The following SLCO3A1 variants were observed in gnomAD, a reference collection of about 807,000 sequenced individuals.
SLCO3A1 encodes PGE1 transporter.
Under a neutral mutation model 63.1 loss-of-function variants are expected in SLCO3A1, and 27 were observed. The observed-to-expected ratio is 0.43, with a 90% CI of 0.32 to 0.59. The LOEUF is 0.59. SLCO3A1 is among the 20% of genes least tolerant of loss of function. The probability of loss-of-function intolerance (pLI) is 0.09; values close to 1 mark genes in which losing one functional copy is unlikely to be tolerated. For missense variants in SLCO3A1, 773 were observed against 945.8 expected, an observed-to-expected ratio of 0.82 and a Z score of 2.40; for synonymous variants, 473 against 409.9, an observed-to-expected ratio of 1.15 and a Z score of -1.86.
chr15:92,003,696 C>T (rs773228464), intron 2 of SLCO3A1, among the ~76,000 whole-genome samples: 1 of 152,154 alleles, frequency 6.6e-6, no homozygotes, highest in Non-Finnish European at 1.5e-5. Flanking sequence ...GAAGGGCTTT[C>T]GTGAGTGATA....
At chr15:92,167,509 C>T (rs78832689), downstream of SLCO3A1, among the ~76,000 whole-genome samples, 256 of 152,302 alleles carry the variant, frequency 1.7e-3, no homozygotes, top group Non-Finnish European at 2.9e-3. Flanking sequence ...CTGCTCCGCC[C>T]GACTTATTCC....
chr15:91,867,680 C>T (rs1309914870), intron 1 of SLCO3A1, among the ~76,000 whole-genome samples: 2 of 152,176 alleles, frequency 1.3e-5, no homozygotes, highest in African/African-American at 2.4e-5. Context: ...CTTCAAACTT[C>T]CCCTCCTGTT....
chr15:92,016,254 T>TAGATAGATAGATA, intron 2 of SLCO3A1, among the ~76,000 whole-genome samples: 356 of 95,690 alleles, frequency 3.7e-3, no homozygotes, highest in Middle Eastern at 0.015. Context: ...GATAGATAGA[T>TAGATAGATAGATA]TAGATAGATA....
At chr15:92,088,289 G>A (rs2047430479) in intron 2 of SLCO3A1, among the ~76,000 whole-genome samples, 1 of 152,184 alleles carries the variant, frequency 6.6e-6, no homozygotes, top group African/African-American at 2.4e-5. Flanking sequence ...TGCCTGAGGG[G>A]CTTAGCATCT....
chr15:92,157,814 T>C (rs532134702), intron 9 of SLCO3A1, among the ~76,000 whole-genome samples: 2 of 152,292 alleles, frequency 1.3e-5, no homozygotes, highest in African/African-American at 4.8e-5. Context: ...TGTGAGGGCT[T>C]TCTCAAATGG....
intron 2 of SLCO3A1, among the ~76,000 whole-genome samples, chr15:92,063,933 C>G (rs569420219): frequency 6.6e-6 from 1 of 152,174 alleles, no homozygotes; most frequent in East Asian, 1.9e-4. Context: ...TTTGCTTTTT[C>G]CATTATCCTG....
intron 2 of SLCO3A1, among the ~76,000 whole-genome samples, chr15:92,048,715 A>C (rs933664632): frequency 6.6e-6 from 1 of 152,176 alleles, no homozygotes; most frequent in Non-Finnish European, 1.5e-5. Context: ...CCTGGCCAAC[A>C]TGGTGAAACC....
intron 1 of SLCO3A1, among the ~76,000 whole-genome samples, chr15:91,899,788 G>C (rs1898106166): frequency 6.6e-6 from 1 of 152,114 alleles, no homozygotes; most frequent in African/African-American, 2.4e-5. Context: ...CCATCTTCCA[G>C]ACAACCTACT....
At chr15:91,889,207 T>A (rs141756599) in intron 1 of SLCO3A1, 238 of 1,273,504 alleles carry the variant, frequency 1.9e-4, no homozygotes, top group Non-Finnish European at 2.3e-4. Context: ...TAGATGAATG[T>A]AAGTTCTAAA....
At chr15:92,140,477 G>A (rs1369092979) in intron 7 of SLCO3A1, among the ~76,000 whole-genome samples, 1 of 151,822 alleles carries the variant, frequency 6.6e-6, no homozygotes. Flanking sequence ...GGAGAGTTCT[G>A]TAGATGTCTA....
chr15:92,091,824 G>T (rs762729310), intron 2 of SLCO3A1, among the ~76,000 whole-genome samples: 5 of 152,206 alleles, frequency 3.3e-5, no homozygotes, highest in Admixed American at 6.5e-5. Context: ...TATCAACTCC[G>T]TCCTGTTCCT....
chr15:92,097,254 G>A (rs183792865), intron 3 of SLCO3A1, among the ~76,000 whole-genome samples: 40 of 151,982 alleles, frequency 2.6e-4, no homozygotes, highest in African/African-American at 9.4e-4. Context: ...ACAGAGAGGG[G>A]AAGGGATGTC....
chr15:92,146,291 G>A (rs745330449), intron 7 of SLCO3A1, among the ~76,000 whole-genome samples: 2 of 152,146 alleles, frequency 1.3e-5, no homozygotes, highest in African/African-American at 2.4e-5. Flanking sequence ...AATCCACCCC[G>A]AAGATCAAAT....
Position 92,104,183 on chromosome 15 carries a change from C to G in SLCO3A1, c.746-96C>G, listed in dbSNP as rs987273689. ...CCCGACCGCAAGTCATTTCTAGAGC[C>G]CTTGCCCTCTCTGTTCAGCGGATTC... On this transcript the variant is annotated intron_variant, in intron 3 of 9. Transcript: ENST00000318445. The G allele has an allele frequency of 3.6e-6, 5 of 1,395,130 alleles. No homozygotes were observed. The African/African-American group carries it at 7.1e-5, about 20-fold the overall frequency. The allele number at this position is 1,395,130 out of a possible 1,614,324, so 86.4% of individuals were successfully genotyped here.
chr15:91,932,732 C>T (rs1353090337), intron 2 of SLCO3A1, among the ~76,000 whole-genome samples: 2 of 152,204 alleles, frequency 1.3e-5, no homozygotes, highest in South Asian at 2.1e-4. Flanking sequence ...CGTGAGCCAC[C>T]GTGCCCGGCC....
chr15:91,920,479 G>C (rs1195836463), intron 2 of SLCO3A1, among the ~76,000 whole-genome samples: 1 of 152,212 alleles, frequency 6.6e-6, no homozygotes, highest in Non-Finnish European at 1.5e-5. Flanking sequence ...GATGGAGAGA[G>C]AGGAAGGTGG....
chr15:92,160,797 G>C (rs2151602847), intron 9 of SLCO3A1, among the ~76,000 whole-genome samples: 1 of 152,204 alleles, frequency 6.6e-6, no homozygotes, highest in East Asian at 1.9e-4. Flanking sequence ...TTAAAACCGG[G>C]GGAAGGGCTG....
intron 2 of SLCO3A1, among the ~76,000 whole-genome samples, chr15:91,956,010 C>G (rs1480556877): frequency 6.6e-6 from 1 of 152,098 alleles, no homozygotes. Context: ...TGTGTACATT[C>G]CAAGCCCAGG....
Position 92,149,694 on chromosome 15 carries a change from A to ATTC in SLCO3A1, c.1689-1248_1689-1246dup, listed in dbSNP as rs1230187520. The ATTC allele has an allele frequency of 2.0e-5, 3 of 152,220 alleles. No homozygotes were observed. The South Asian group carries it at 6.2e-4, about 32-fold the overall frequency. The allele number at this position is 152,220 out of a possible 1,614,324, so 9.4% of individuals were successfully genotyped here. ...TTCTTCATGACTCAAGCCAAGAAGG[A>ATTC]TTCTTCTTCTCATAGGAAGCAATTT... On this transcript the variant is annotated intron_variant, in intron 8 of 9. Coordinates refer to ENST00000318445, the MANE Select transcript of SLCO3A1 (RefSeq NM_013272.4).
Sources: allele counts gnomAD v4.1 joint callset (sites outside exome capture counted in the v4.1 genomes callset), GRCh38; gene constraint gnomAD v4.1.1; transcripts MANE v1.5; gene names NCBI Gene and HGNC (gene_info 2026-07-23, HGNC 2026-07-21).